The following GALNT13 variants were observed in gnomAD, a reference collection of about 807,000 sequenced individuals.
The protein encoded by GALNT13 is UDP-GalNAc:polypeptide N-acetylgalactosaminyltransferase 13.
In GALNT13, 28 loss-of-function variants were observed where a neutral mutation model predicts 64.2. The observed-to-expected ratio is 0.44, with a 90% confidence interval of 0.32 to 0.60. The LOEUF (loss-of-function observed/expected upper bound fraction) is 0.60, where lower values mean the gene tolerates loss of function less well. Among genes scored for constraint, GALNT13 ranks in the 20% least tolerant of loss-of-function variants. The pLI, the probability that GALNT13 is intolerant of heterozygous loss-of-function variation, is 0.05. For missense variants in GALNT13, 577 were observed against 669.8 expected (o/e 0.86, Z 1.53); for synonymous variants, 214 against 224.6 (o/e 0.95, Z 0.42).
At chr2:154,313,248 A>C (rs1390055913) in intron 9 of GALNT13, among the ~76,000 whole-genome samples, 1 of 147,662 alleles carries the variant, frequency 6.8e-6, no homozygotes, top group Non-Finnish European at 1.5e-5. Context: ...ATGCATATGT[A>C]TATATATATA....
chr2:153,826,057 G>A, the GALNT13 span, among the ~76,000 whole-genome samples: 1 of 152,028 alleles, frequency 6.6e-6, no homozygotes, highest in South Asian at 2.1e-4. Context: ...TTTCATTAGT[G>A]TACTCAGTTT....
At chr2:154,378,702 A>G (rs374512475) in intron 9 of GALNT13, among the ~76,000 whole-genome samples, 80 of 152,026 alleles carry the variant, frequency 5.3e-4, no homozygotes, top group African/African-American at 1.9e-3. Flanking sequence ...CTCTGCTTCT[A>G]TTAAATTTTT....
the GALNT13 span, among the ~76,000 whole-genome samples, chr2:153,581,297 G>C: frequency 1.3e-5 from 2 of 152,074 alleles, no homozygotes; most frequent in African/African-American, 2.4e-5. Flanking sequence ...TACCTAGAAT[G>C]ATCGAGCACA....
At chr2:153,321,704 A>G in the GALNT13 span, among the ~76,000 whole-genome samples, 1 of 152,188 alleles carries the variant, frequency 6.6e-6, no homozygotes, top group South Asian at 2.1e-4. Context: ...AGTTTACACA[A>G]CAAACTGTAA....
the GALNT13 span, among the ~76,000 whole-genome samples, chr2:153,439,889 A>G: frequency 6.6e-6 from 1 of 152,146 alleles, no homozygotes; most frequent in African/African-American, 2.4e-5. Context: ...AAATGCAGAA[A>G]TCACCCGTTT....
chr2:154,245,949 A>G lies in GALNT13; in HGVS notation c.824A>G (p.Asp275Gly). 1 of 1,613,384 alleles carries G rather than the reference A, an allele frequency of 6.2e-7. No homozygotes were observed. Among genetic ancestry groups the G allele is most frequent in the South Asian group, 1.1e-5 (1 of 91,052 alleles). The change falls in exon 7 of 13, where the codon GAC becomes GGC. Residue 275 changes from aspartate (D) to glycine (G), a missense_variant. Asp to Gly is a moderately conservative substitution (Grantham distance 94). Transcript: ENST00000392825. ...TATCCTGTTCCCCAAAGAGAAATGGACAGGAGGAAAGGAGACAGAACATTA... is the reference window on the plus strand; with the variant it reads ...TATCCTGTTCCCCAAAGAGAAATGGGCAGGAGGAAAGGAGACAGAACATTA... ...RWYPVPQREM[D>G]RRKGDRTLPV...
chr2:154,216,225 A>C (rs1171215924), intron 4 of GALNT13, among the ~76,000 whole-genome samples: 1 of 152,088 alleles, frequency 6.6e-6, no homozygotes, highest in Non-Finnish European at 1.5e-5. Flanking sequence ...TTTGACATTT[A>C]AGATTAGATT....
At chr2:153,178,063 T>A in the GALNT13 span, among the ~76,000 whole-genome samples, 135 of 152,308 alleles carry the variant, frequency 8.9e-4, no homozygotes, top group Middle Eastern at 3.4e-3. Context: ...AAAGACTGAA[T>A]GGTATTTAAT....
chr2:153,233,777 C>T, the GALNT13 span, among the ~76,000 whole-genome samples: 2 of 152,164 alleles, frequency 1.3e-5, no homozygotes, highest in Admixed American at 6.5e-5. Context: ...TGAATCATCA[C>T]CTGACATTAG....
At chr2:153,661,722 C>T in the GALNT13 span, among the ~76,000 whole-genome samples, 1 of 152,150 alleles carries the variant, frequency 6.6e-6, no homozygotes, top group Non-Finnish European at 1.5e-5. Flanking sequence ...TAACTTATTT[C>T]TCCACATAAT....
At chr2:153,384,390 G>T in the GALNT13 span, among the ~76,000 whole-genome samples, 5 of 152,016 alleles carry the variant, frequency 3.3e-5, no homozygotes, top group Admixed American at 6.6e-5. Context: ...GATGAAGAAA[G>T]GGACTACCCT....
chr2:154,017,069 A>G (rs541697125), intron 3 of GALNT13, among the ~76,000 whole-genome samples: 2 of 152,286 alleles, frequency 1.3e-5, no homozygotes, highest in East Asian at 3.9e-4. Context: ...AAGAAAACCA[A>G]TGAGGAACCC....
the GALNT13 span, among the ~76,000 whole-genome samples, chr2:153,501,323 T>G: frequency 3.3e-5 from 5 of 151,732 alleles, no homozygotes; most frequent in African/African-American, 1.2e-4. Flanking sequence ...TGCTTTTTGG[T>G]TTTTTTTGTT....
At chr2:153,726,331 T>C in the GALNT13 span, among the ~76,000 whole-genome samples, 2 of 152,150 alleles carry the variant, frequency 1.3e-5, no homozygotes, top group Non-Finnish European at 2.9e-5. Flanking sequence ...GACTCGTGTC[T>C]TTTTTAAAAA....
At chr2:153,174,974 G>A in the GALNT13 span, among the ~76,000 whole-genome samples, 1 of 152,064 alleles carries the variant, frequency 6.6e-6, no homozygotes, top group Non-Finnish European at 1.5e-5. Context: ...ATTTGGTACT[G>A]AGATTACCAA....
At chr2:153,144,071 T>C in the GALNT13 span, among the ~76,000 whole-genome samples, 1 of 151,980 alleles carries the variant, frequency 6.6e-6, no homozygotes, top group Non-Finnish European at 1.5e-5. Flanking sequence ...CATTGGATAA[T>C]TGGATATTTG....
chr2:153,073,220 T>C, the GALNT13 span, among the ~76,000 whole-genome samples: 1 of 152,170 alleles, frequency 6.6e-6, no homozygotes, highest in Non-Finnish European at 1.5e-5. Flanking sequence ...TCAGTAAATT[T>C]TCAGGTTCTC....
chr2:154,428,821 G>C (rs548816256), intron 11 of GALNT13, among the ~76,000 whole-genome samples: 1 of 148,008 alleles, frequency 6.8e-6, no homozygotes, highest in Non-Finnish European at 1.5e-5. Context: ...TCGCTCTGTC[G>C]CCCAGGCTGG....
the GALNT13 span, among the ~76,000 whole-genome samples, chr2:153,379,765 A>G: frequency 6.6e-6 from 1 of 152,166 alleles, no homozygotes; most frequent in African/African-American, 2.4e-5. Context: ...AGAATCTTTT[A>G]CATACACTCA....
Sources: gnomAD v4.1 joint callset for allele counts (sites outside exome capture counted in the v4.1 genomes callset) on GRCh38, gnomAD v4.1.1 for gene constraint, MANE v1.5 for transcripts, NCBI Gene and HGNC (gene_info 2026-07-23, HGNC 2026-07-21) for gene names.